The following APBB1IP variants were observed in gnomAD, a reference collection of about 807,000 sequenced individuals.
APBB1IP encodes amyloid beta A4 precursor protein-binding family B member 1-interacting protein.
Under a neutral mutation model 64.9 loss-of-function variants are expected in APBB1IP, and 27 were observed. The observed-to-expected ratio is 0.42, with a 90% CI of 0.31 to 0.57. APBB1IP has a LOEUF of 0.57. Ranked by LOEUF, APBB1IP falls within the 20% of genes least tolerant of loss-of-function variation. The probability of loss-of-function intolerance (pLI) is 0.20; values close to 1 mark genes in which losing one functional copy is unlikely to be tolerated. For missense variants in APBB1IP, 812 were observed against 845.5 expected (o/e 0.96, Z 0.49); for synonymous variants, 392 against 331.0 (o/e 1.18, Z -2.00).
intron 8 of APBB1IP, among the ~76,000 whole-genome samples, chr10:26,525,846 T>C (rs1836467543): frequency 6.6e-6 from 1 of 152,106 alleles, no homozygotes; most frequent in Non-Finnish European, 1.5e-5. Flanking sequence ...AACTGTATGA[T>C]CTAATGGAAA....
chr10:26,565,284 C>A (rs1454314405), intron 14 of APBB1IP, among the ~76,000 whole-genome samples: 1 of 152,170 alleles, frequency 6.6e-6, no homozygotes, highest in East Asian at 1.9e-4. Context: ...ACGCTTACTC[C>A]TGACACGAGC....
At chr10:26,532,033 C>G (rs1417009061) in intron 8 of APBB1IP, among the ~76,000 whole-genome samples, 2 of 152,136 alleles carry the variant, frequency 1.3e-5, no homozygotes, top group African/African-American at 2.4e-5. Context: ...ATTTCCAGGC[C>G]TCATCCCAGA....
intron 11 of APBB1IP, among the ~76,000 whole-genome samples, chr10:26,542,445 C>T (rs1390117338): frequency 6.6e-6 from 1 of 152,210 alleles, no homozygotes; most frequent in Admixed American, 6.5e-5. Context: ...CATCAGCCAC[C>T]ACTCCTGGCC....
chr10:26,566,922 A>T (rs1837052318), intron 14 of APBB1IP, 39 bp from the exon 15 acceptor site: 1 of 1,523,550 alleles, frequency 6.6e-7, no homozygotes, highest in East Asian at 2.5e-5. Flanking sequence ...AATTTCAAAA[A>T]TTAAAAAAAA....
chr10:26,472,989 G>T (rs757306519), intron 2 of APBB1IP, among the ~76,000 whole-genome samples: 7 of 151,840 alleles, frequency 4.6e-5, no homozygotes, highest in Non-Finnish European at 7.4e-5. Context: ...ATTCATAGAG[G>T]TACATATCAT....
At chr10:26,549,310 G>C (rs1836803016) in intron 11 of APBB1IP, among the ~76,000 whole-genome samples, 1 of 152,132 alleles carries the variant, frequency 6.6e-6, no homozygotes, top group Non-Finnish European at 1.5e-5. Flanking sequence ...TCCATGTTTG[G>C]TTTTGGAATT....
intron 11 of APBB1IP, among the ~76,000 whole-genome samples, chr10:26,548,540 T>A (rs574598938): frequency 1.3e-4 from 20 of 152,280 alleles, no homozygotes; most frequent in African/African-American, 4.6e-4. Flanking sequence ...TGTTTTATAG[T>A]TTTCGTCATA....
intron 2 of APBB1IP, among the ~76,000 whole-genome samples, chr10:26,459,497 C>G (rs1306302091): frequency 2.0e-5 from 3 of 152,098 alleles, no homozygotes; most frequent in Non-Finnish European, 2.9e-5. Flanking sequence ...GTTCTAGATC[C>G]CTGAGGAATC....
At chr10:26,485,098 C>T (rs1269198183) in intron 2 of APBB1IP, among the ~76,000 whole-genome samples, 2 of 152,122 alleles carry the variant, frequency 1.3e-5, no homozygotes, top group African/African-American at 4.8e-5. Context: ...ATGTGAGCCC[C>T]AGTGAAAGTT....
intron 8 of APBB1IP, among the ~76,000 whole-genome samples, chr10:26,526,923 C>T (rs942230831): frequency 6.6e-6 from 1 of 152,194 alleles, no homozygotes; most frequent in African/African-American, 2.4e-5. Context: ...CTGGTGGCTG[C>T]ATGAGTGAGG....
intron 2 of APBB1IP, among the ~76,000 whole-genome samples, chr10:26,446,836 G>A (rs1835403584): frequency 6.8e-6 from 1 of 147,404 alleles, no homozygotes; most frequent in Admixed American, 7.0e-5. Flanking sequence ...CTCCAGCTTG[G>A]GTGACAGAGC....
At chr10:26,480,900 A>G (rs1376126769) in intron 2 of APBB1IP, among the ~76,000 whole-genome samples, 1 of 152,138 alleles carries the variant, frequency 6.6e-6, no homozygotes, top group Non-Finnish European at 1.5e-5. Context: ...TTTTGTTTCT[A>G]AAAAGAAATG....
intron 3 of APBB1IP, among the ~76,000 whole-genome samples, chr10:26,495,945 A>T (rs1836017070): frequency 7.1e-6 from 1 of 140,230 alleles, no homozygotes; most frequent in South Asian, 2.1e-4. Context: ...AATATATATA[A>T]AATATATTTT....
chr10:26,535,497 T>C (rs1390562951), intron 9 of APBB1IP, among the ~76,000 whole-genome samples: 2 of 152,160 alleles, frequency 1.3e-5, no homozygotes, highest in Non-Finnish European at 2.9e-5. Flanking sequence ...AAATGTACGA[T>C]TAAGTTATTA....
intron 13 of APBB1IP, 33 bp from the exon 14 acceptor site, chr10:26,562,293 C>T (rs1447855214): frequency 6.7e-7 from 1 of 1,488,200 alleles, no homozygotes; most frequent in Admixed American, 1.7e-5. Context: ...AAATGCTTTG[C>T]TCACTCTTCT....
At chr10:26,477,200 C>T (rs1338957748) in intron 2 of APBB1IP, among the ~76,000 whole-genome samples, 1 of 152,168 alleles carries the variant, frequency 6.6e-6, no homozygotes, top group East Asian at 1.9e-4. Context: ...AGCAGTATTA[C>T]AGAGGTGAGG....
intron 6 of APBB1IP, among the ~76,000 whole-genome samples, chr10:26,507,133 T>G (rs1281408818): frequency 6.6e-6 from 1 of 152,018 alleles, no homozygotes; most frequent in Non-Finnish European, 1.5e-5. Flanking sequence ...GGTTGTATTA[T>G]AAGTGCAATG....
rs137867290 is a variant in APBB1IP, at chr10:26,566,161, G to A, written c.1474-800G>A. 7.2e-5 allele frequency among the ~76,000 whole-genome samples: 11 copies of A among 152,296 alleles called. No individual in the cohort carries two copies. The East Asian group carries it at 1.2e-3, about 16-fold the overall frequency. On this transcript the variant is annotated intron_variant, in intron 14 of 14. Coordinates refer to ENST00000376236, the MANE Select transcript of APBB1IP (RefSeq NM_019043.4). ...TCCATTTGGGCCAGGTGGGGTGGCC[G>A]TAATTCCAGCTACTCAGGAGGCTGA...
chr10:26,467,675 A>C (rs1481635479), intron 2 of APBB1IP, among the ~76,000 whole-genome samples: 1 of 152,210 alleles, frequency 6.6e-6, no homozygotes, highest in African/African-American at 2.4e-5. Context: ...CAGCCTGGAC[A>C]ACACAGCAAG....
Sources: allele counts gnomAD v4.1 joint callset (sites outside exome capture counted in the v4.1 genomes callset), GRCh38; gene constraint gnomAD v4.1.1; transcripts MANE v1.5; gene names NCBI Gene and HGNC (gene_info 2026-07-23, HGNC 2026-07-21).